DLG2: variants seen among roughly 807,000 people sequenced by gnomAD.
The protein encoded by DLG2 is disks large homolog 2.
Under a neutral mutation model 132.5 loss-of-function variants are expected in DLG2, and 45 were observed. That is an observed-to-expected ratio of 0.34 (90% CI 0.27 to 0.44). DLG2 has a LOEUF of 0.44. Ranked by LOEUF, DLG2 falls within the 20% of genes least tolerant of loss-of-function variation. DLG2 has a pLI of 1.00. For synonymous variants in DLG2, 424 were observed against 419.6 expected (o/e 1.01, Z -0.13); for missense variants, 1,045 against 1,196.9 (o/e 0.87, Z 1.87).
intron 7 of DLG2, among the ~76,000 whole-genome samples, chr11:84,323,720 CTTTT>C (rs35283044): frequency 1.6e-5 from 2 of 123,786 alleles, no homozygotes. Flanking sequence ...TTCTTTTTTC[CTTTT>C]TTTTTTTTTT....
At chr11:84,630,397 T>A (rs913101849) in intron 6 of DLG2, among the ~76,000 whole-genome samples, 21 of 152,182 alleles carry the variant, frequency 1.4e-4, no homozygotes, top group African/African-American at 5.1e-4. Context: ...TAATTTTCAA[T>A]CCAACTCTCT....
intron 6 of DLG2, among the ~76,000 whole-genome samples, chr11:85,067,637 A>G (rs781489866): frequency 6.6e-6 from 1 of 151,930 alleles, no homozygotes; most frequent in Non-Finnish European, 1.5e-5. Context: ...AATTGAGGCA[A>G]TAATTAATAG....
intron 8 of DLG2, among the ~76,000 whole-genome samples, chr11:84,213,985 T>C (rs1008801716): frequency 2.6e-5 from 4 of 151,344 alleles, no homozygotes; most frequent in Non-Finnish European, 4.4e-5. Flanking sequence ...TCATTATTGG[T>C]TATTAATATG....
chr11:83,884,006 C>A (rs978335275), intron 15 of DLG2, among the ~76,000 whole-genome samples: 1 of 151,528 alleles, frequency 6.6e-6, no homozygotes, highest in Admixed American at 6.6e-5. Flanking sequence ...CAGCTCCCAG[C>A]GTGAGTGACG....
chr11:84,430,874 C>A (rs1474683637), intron 7 of DLG2, among the ~76,000 whole-genome samples: 1 of 152,190 alleles, frequency 6.6e-6, no homozygotes, highest in African/African-American at 2.4e-5. Context: ...CACAGCTAGG[C>A]AGACACTGGC....
At chr11:84,020,400 A>G (rs2095357254) in intron 11 of DLG2, among the ~76,000 whole-genome samples, 1 of 152,220 alleles carries the variant, frequency 6.6e-6, no homozygotes. Flanking sequence ...ATACTTACAT[A>G]CATACATACA....
rs184992364 is a variant in DLG2, at chr11:85,397,580, G to A, written c.41-112215C>T. Among the ~76,000 whole-genome samples, 1,292 of 152,204 alleles carry A rather than the reference G, an allele frequency of 8.5e-3. 15 individuals are homozygous for A. Among genetic ancestry groups the A allele is most frequent in the Admixed American group, 0.017 (264 of 15,278 alleles). On this transcript the variant is annotated intron_variant, in intron 3 of 27. Coordinates refer to ENST00000376104, the MANE Select transcript of DLG2 (RefSeq NM_001142699.3). ...ATAGGCTCAAAATAAAGGGATGGAG[G>A]AAGATATACCAAGCAAATGGAAAGC...
chr11:84,894,023 GACTATGGAAA>G (rs1319795580), intron 6 of DLG2, among the ~76,000 whole-genome samples: 5 of 152,110 alleles, frequency 3.3e-5, no homozygotes. Context: ...TCTCTGTAAT[GACTATGGAAA>G]ACAGTCTCAA....
At chr11:84,918,781 T>C (rs1354416460) in intron 6 of DLG2, among the ~76,000 whole-genome samples, 2 of 152,122 alleles carry the variant, frequency 1.3e-5, no homozygotes, top group Non-Finnish European at 2.9e-5. Context: ...TATGAGGTTT[T>C]TTCTTCCTTT....
At chr11:84,030,009 T>C (rs148897133) in intron 11 of DLG2, among the ~76,000 whole-genome samples, 1,734 of 152,224 alleles carry the variant, frequency 0.011, 28 homozygotes, top group African/African-American at 0.039. Context: ...TACACATATA[T>C]CTGTATCTAT....
At chr11:84,534,363 T>A (rs1403491711) in intron 7 of DLG2, among the ~76,000 whole-genome samples, 2 of 152,164 alleles carry the variant, frequency 1.3e-5, no homozygotes, top group Non-Finnish European at 2.9e-5. Flanking sequence ...CTAAAATGAT[T>A]TTTCCAGATA....
intron 3 of DLG2, among the ~76,000 whole-genome samples, chr11:85,446,793 ATG>A (rs35097336): frequency 0.05 from 7,186 of 144,834 alleles, 173 homozygotes; most frequent in Admixed American, 0.055. Flanking sequence ...GATATAGTAT[ATG>A]TGTGTGTGTG....
chr11:84,557,532 C>T (rs371654320), intron 6 of DLG2, among the ~76,000 whole-genome samples: 34 of 152,090 alleles, frequency 2.2e-4, no homozygotes, highest in East Asian at 1.4e-3. Context: ...TTTATGTAAG[C>T]AGTATCATAT....
intron 6 of DLG2, among the ~76,000 whole-genome samples, chr11:84,679,968 T>C (rs2099724609): frequency 6.6e-6 from 1 of 152,138 alleles, no homozygotes; most frequent in East Asian, 1.9e-4. Context: ...AATTTAGCTC[T>C]CGTACTGAGC....
chr11:84,832,063 G>T (rs369757475), intron 6 of DLG2, among the ~76,000 whole-genome samples: 1 of 151,640 alleles, frequency 6.6e-6, no homozygotes, highest in African/African-American at 2.4e-5. Context: ...TTCAACACAT[G>T]ATATATATTT....
intron 11 of DLG2, among the ~76,000 whole-genome samples, chr11:84,056,484 T>C (rs2096502125): frequency 6.6e-6 from 1 of 152,164 alleles, no homozygotes; most frequent in Non-Finnish European, 1.5e-5. Context: ...TTAAAGGTAG[T>C]TGACTTCAAG....
intron 6 of DLG2, among the ~76,000 whole-genome samples, chr11:84,780,399 A>G (rs2071525091): frequency 6.6e-6 from 1 of 152,154 alleles, no homozygotes; most frequent in Non-Finnish European, 1.5e-5. Flanking sequence ...TAGGCCATAT[A>G]TAATATACAC....
chr11:84,356,920 GAGAAATTGCC>G (rs2098616497), intron 7 of DLG2, among the ~76,000 whole-genome samples: 1 of 152,034 alleles, frequency 6.6e-6, no homozygotes. Context: ...AGAGAGAGAA[GAGAAATTGCC>G]AGAAAGTTCA....
chr11:85,591,138 T>A (rs1267514558), intron 3 of DLG2, among the ~76,000 whole-genome samples: 1 of 152,186 alleles, frequency 6.6e-6, no homozygotes, highest in Non-Finnish European at 1.5e-5. Flanking sequence ...GTGTCTAATT[T>A]AACTTAAGAA....
Sources: gnomAD v4.1 joint callset for allele counts (sites outside exome capture counted in the v4.1 genomes callset) on GRCh38, gnomAD v4.1.1 for gene constraint, MANE v1.5 for transcripts, NCBI Gene and HGNC (gene_info 2026-07-23, HGNC 2026-07-21) for gene names.